RABGAP1L: variants seen among roughly 807,000 people sequenced by gnomAD.
The protein encoded by RABGAP1L is RAB GTPase activating protein 1 like.
In RABGAP1L, 63 loss-of-function variants were observed where a neutral mutation model predicts 137.7. The observed-to-expected ratio is 0.46, with a 90% CI of 0.37 to 0.56. The LOEUF (loss-of-function observed/expected upper bound fraction) is 0.56, where lower values mean the gene tolerates loss of function less well. RABGAP1L is among the 20% of genes least tolerant of loss of function. RABGAP1L has a pLI of 0.00. For missense variants in RABGAP1L, 1,095 were observed against 1,244.0 expected, an observed-to-expected ratio of 0.88 and a Z score of 1.80; for synonymous variants, 431 against 433.7, an observed-to-expected ratio of 0.99 and a Z score of 0.08.
At chr1:174,231,409 T>C in intron 4 of RABGAP1L, 54 bp downstream of exon 4, 1 of 1,503,338 alleles carries the variant, frequency 6.7e-7, no homozygotes, top group Non-Finnish European at 9.3e-7. Context: ...TGGGTGGTGG[T>C]GAAGATGTTA....
At chr1:174,713,065 C>A (rs149738178) in intron 17 of RABGAP1L, among the ~76,000 whole-genome samples, 1 of 152,320 alleles carries the variant, frequency 6.6e-6, no homozygotes, top group African/African-American at 2.4e-5. Context: ...GGAGCCCTCA[C>A]CAGGAGCCCC....
At chr1:174,518,598 C>A (rs1490617590) in intron 13 of RABGAP1L, among the ~76,000 whole-genome samples, 1 of 152,066 alleles carries the variant, frequency 6.6e-6, no homozygotes, top group East Asian at 1.9e-4. Flanking sequence ...TGTTCATCTC[C>A]TCTTGGGTGT....
At chr1:174,427,828 C>T (rs1326865002) in intron 13 of RABGAP1L, among the ~76,000 whole-genome samples, 1 of 152,102 alleles carries the variant, frequency 6.6e-6, no homozygotes, top group Non-Finnish European at 1.5e-5. Flanking sequence ...AATATTATTA[C>T]CTTCTACTGT....
chr1:174,740,951 T>C (rs954831843), intron 17 of RABGAP1L, among the ~76,000 whole-genome samples: 3 of 152,128 alleles, frequency 2.0e-5, no homozygotes, highest in African/African-American at 7.2e-5. Context: ...GTTCCTTATC[T>C]GTTCTATATA....
At chr1:174,848,483 T>G (rs1174869179) in intron 19 of RABGAP1L, among the ~76,000 whole-genome samples, 2 of 149,068 alleles carry the variant, frequency 1.3e-5, no homozygotes, top group East Asian at 2.0e-4. Context: ...TGGAATACCC[T>G]GCAGTGTGAG....
rs1403089425 is a variant in RABGAP1L, at chr1:174,675,297, T to G, written c.1825-8225T>G. On this transcript the variant is annotated intron_variant, in intron 14 of 25. Coordinates refer to ENST00000681986, the MANE Select transcript of RABGAP1L (RefSeq NM_001366446.1). ...GTAAGGAAGGGATCCAGTTTCAGCT[T>G]TCTGCATATGGCTAGCCAGTTTTCC... Among the ~76,000 whole-genome samples the G allele has an allele frequency of 2.0e-5, 3 of 151,492 alleles. No homozygotes were observed. In the East Asian group the frequency reaches 5.8e-4, roughly 29 times the overall value.
At chr1:174,598,884 G>T (rs1400581730) in intron 13 of RABGAP1L, among the ~76,000 whole-genome samples, 2 of 151,678 alleles carry the variant, frequency 1.3e-5, no homozygotes, top group Non-Finnish European at 2.9e-5. Flanking sequence ...TTTGATTGGA[G>T]ACTTTAGTTC....
intron 12 of RABGAP1L, among the ~76,000 whole-genome samples, chr1:174,376,255 A>G (rs1685538439): frequency 6.6e-6 from 1 of 151,844 alleles, no homozygotes; most frequent in Admixed American, 6.6e-5. Context: ...AGGAAGGGAA[A>G]GAAGGAAGGA....
At chr1:174,293,900 A>G (rs1676861517) in intron 10 of RABGAP1L, among the ~76,000 whole-genome samples, 2 of 152,246 alleles carry the variant, frequency 1.3e-5, no homozygotes, top group African/African-American at 2.4e-5. Context: ...AAAATGTTAC[A>G]ATACTAGATG....
chr1:174,394,692 C>T (rs1647601215), intron 13 of RABGAP1L, among the ~76,000 whole-genome samples: 1 of 152,012 alleles, frequency 6.6e-6, no homozygotes, highest in Non-Finnish European at 1.5e-5. Flanking sequence ...GACTCACCAC[C>T]CTAGGTCTTA....
At chr1:174,289,232 A>G (rs896087863) in intron 10 of RABGAP1L, among the ~76,000 whole-genome samples, 2 of 152,130 alleles carry the variant, frequency 1.3e-5, no homozygotes, top group African/African-American at 4.8e-5. Context: ...TTGTAGAGAC[A>G]GGGTCTTGCT....
At chr1:174,982,309 G>A (rs889180064) in intron 23 of RABGAP1L, among the ~76,000 whole-genome samples, 12 of 151,866 alleles carry the variant, frequency 7.9e-5, no homozygotes, top group East Asian at 7.7e-4. Flanking sequence ...ACCAGGCCGC[G>A]GTGTGTGATG....
At chr1:174,618,365 C>T (rs537561662) in intron 13 of RABGAP1L, among the ~76,000 whole-genome samples, 36 of 146,358 alleles carry the variant, frequency 2.5e-4, no homozygotes, top group Non-Finnish European at 2.0e-4. Context: ...CTCTGACCCA[C>T]GCGTAGCCTA....
At chr1:174,414,631 A>C (rs1214784815) in intron 13 of RABGAP1L, among the ~76,000 whole-genome samples, 2 of 152,074 alleles carry the variant, frequency 1.3e-5, no homozygotes, top group African/African-American at 2.4e-5. Context: ...GGAGAAGTGA[A>C]TTGTCTGTGG....
chr1:174,273,383 C>T (rs565534769), intron 8 of RABGAP1L, among the ~76,000 whole-genome samples: 1 of 152,056 alleles, frequency 6.6e-6, no homozygotes, highest in East Asian at 1.9e-4. Context: ...ATAGCTCTTA[C>T]CATCTGTGGG....
intron 13 of RABGAP1L, among the ~76,000 whole-genome samples, chr1:174,603,408 AT>A (rs1253335279): frequency 4.6e-5 from 7 of 152,078 alleles, no homozygotes; most frequent in Non-Finnish European, 1.0e-4. Context: ...TCAGACCCGA[AT>A]CCAGCACAGT....
At chr1:174,728,120 T>C (rs898123699) in intron 17 of RABGAP1L, among the ~76,000 whole-genome samples, 19 of 152,252 alleles carry the variant, frequency 1.2e-4, no homozygotes, top group Non-Finnish European at 2.4e-4. Flanking sequence ...CCAAGCATTA[T>C]GACCTACAAA....
At chr1:174,442,334 T>C (rs1169316528) in intron 13 of RABGAP1L, among the ~76,000 whole-genome samples, 1 of 152,154 alleles carries the variant, frequency 6.6e-6, no homozygotes, top group African/African-American at 2.4e-5. Context: ...TAGCCTTTTG[T>C]ATAAAATTTA....
chr1:174,977,204 TAA>T (rs1049280654), intron 22 of RABGAP1L, among the ~76,000 whole-genome samples: 4 of 152,238 alleles, frequency 2.6e-5, no homozygotes, highest in African/African-American at 9.6e-5. Flanking sequence ...CCAGACTTTA[TAA>T]AAAGTGTTCC....
Sources: gnomAD v4.1 joint callset for allele counts (sites outside exome capture counted in the v4.1 genomes callset) on GRCh38, gnomAD v4.1.1 for gene constraint, MANE v1.5 for transcripts, NCBI Gene and HGNC (gene_info 2026-07-23, HGNC 2026-07-21) for gene names.